The following ADGRL2 variants were observed in gnomAD, a reference collection of about 807,000 sequenced individuals.
ADGRL2 encodes calcium-independent alpha-latrotoxin receptor 2.
A neutral mutation model predicts 157.4 loss-of-function variants in ADGRL2; 44 were observed. That is an observed-to-expected ratio of 0.28 (90% CI 0.22 to 0.36). The LOEUF (loss-of-function observed/expected upper bound fraction) is 0.36, where lower values mean the gene tolerates loss of function less well. Ranked by LOEUF, ADGRL2 falls within the 10% of genes least tolerant of loss-of-function variation. The probability of loss-of-function intolerance (pLI) is 1.00; values close to 1 mark genes in which losing one functional copy is unlikely to be tolerated. For synonymous variants in ADGRL2, 585 were observed against 624.7 expected, an observed-to-expected ratio of 0.94 and a Z score of 0.95; for missense variants, 1,510 against 1,768.9, an observed-to-expected ratio of 0.85 and a Z score of 2.63.
At chr1:81,989,624 C>T (rs754271448) in intron 23 of ADGRL2, 25 of 1,596,518 alleles carry the variant, frequency 1.6e-5, no homozygotes, top group South Asian at 1.3e-4. Flanking sequence ...CATCATGTTA[C>T]AATAAATCAT....
At chr1:81,694,831 C>T (rs552775), upstream of ADGRL2, among the ~76,000 whole-genome samples, 52,708 of 151,926 alleles carry the variant, frequency 0.35, 9,322 homozygotes, top group Admixed American at 0.41. Flanking sequence ...AATAAATTAA[C>T]TTTCAAACCT....
intron 3 of ADGRL2, among the ~76,000 whole-genome samples, chr1:81,684,436 G>C (rs912940109): frequency 6.6e-6 from 1 of 152,082 alleles, no homozygotes; most frequent in African/African-American, 2.4e-5. Context: ...ATCTTCTTTT[G>C]AGAATTGTCT....
chr1:81,864,686 G>A (rs2093483728), intron 2 of ADGRL2, among the ~76,000 whole-genome samples: 1 of 152,134 alleles, frequency 6.6e-6, no homozygotes, highest in Admixed American at 6.6e-5. Flanking sequence ...ACGAAGCTGG[G>A]CATGGTGGCT....
intron 1 of ADGRL2, among the ~76,000 whole-genome samples, chr1:81,822,871 C>A (rs1224906818): frequency 6.6e-6 from 1 of 151,832 alleles, no homozygotes; most frequent in Non-Finnish European, 1.5e-5. Flanking sequence ...TAATTATGGG[C>A]CTTTCTATTT....
At chr1:81,882,118 AATG>A (rs1169861273) in intron 2 of ADGRL2, among the ~76,000 whole-genome samples, 1 of 152,236 alleles carries the variant, frequency 6.6e-6, no homozygotes, top group African/African-American at 2.4e-5. Context: ...GACATAGAGA[AATG>A]ATGATTCATA....
At chr1:81,381,025 A>C (rs1316934982) in intron 1 of ADGRL2, among the ~76,000 whole-genome samples, 1 of 151,950 alleles carries the variant, frequency 6.6e-6, no homozygotes, top group Admixed American at 6.6e-5. Context: ...TAAAATTTTA[A>C]ATTTTCTTTA....
chr1:81,356,253 C>G (rs148509570), intron 1 of ADGRL2, among the ~76,000 whole-genome samples: 1 of 152,156 alleles, frequency 6.6e-6, no homozygotes, highest in Non-Finnish European at 1.5e-5. Context: ...GATGCTGAAA[C>G]GCACATAAAA....
At chr1:81,655,512 AC>A (rs1430702883) in intron 3 of ADGRL2, among the ~76,000 whole-genome samples, 3 of 152,046 alleles carry the variant, frequency 2.0e-5, no homozygotes, top group African/African-American at 4.8e-5. Context: ...TACTTTCTAC[AC>A]GCGTCCTCAA....
intron 1 of ADGRL2, among the ~76,000 whole-genome samples, chr1:81,828,284 G>A (rs1281117633): frequency 6.6e-6 from 1 of 152,136 alleles, no homozygotes; most frequent in Non-Finnish European, 1.5e-5. Context: ...CCTAACTTCT[G>A]ATCTGACTGT....
At chr1:81,667,508 C>T (rs895736701) in intron 3 of ADGRL2, among the ~76,000 whole-genome samples, 10 of 152,098 alleles carry the variant, frequency 6.6e-5, no homozygotes, top group Non-Finnish European at 1.5e-4. Context: ...GACTAAAGAA[C>T]TTAGCTGGGA....
At chr1:81,429,783 T>G (rs1347146415) in intron 1 of ADGRL2, among the ~76,000 whole-genome samples, 1 of 152,248 alleles carries the variant, frequency 6.6e-6, no homozygotes, top group Non-Finnish European at 1.5e-5. Flanking sequence ...GCCTTCCATA[T>G]GCCAGGCAAC....
intron 1 of ADGRL2, among the ~76,000 whole-genome samples, chr1:81,810,694 T>A (rs1409798444): frequency 1.3e-5 from 2 of 151,860 alleles, no homozygotes; most frequent in African/African-American, 2.4e-5. Context: ...CATTTTTTTT[T>A]AGTTTGATGA....
intron 2 of ADGRL2, among the ~76,000 whole-genome samples, chr1:81,880,300 G>T (rs937425403): frequency 6.6e-6 from 1 of 152,088 alleles, no homozygotes; most frequent in Admixed American, 6.5e-5. Context: ...CTTTTTAAGG[G>T]TAAAATATAT....
Position 81,993,085 on chromosome 1 carries a change from ATATTTTTTTTTTTTTT to A in ADGRL2, c.*1942_*1957del, listed in dbSNP as rs1388578945. 6.9e-4 allele frequency among the ~76,000 whole-genome samples: 22 copies of A among 32,110 alleles called. No individual in the cohort carries two copies. Among genetic ancestry groups the A allele is most frequent in the Non-Finnish European group, 9.9e-4 (20 of 20,294 alleles). The allele number at this position is 32,110 out of a possible 152,430, so 21.1% of individuals were successfully genotyped here. ...TATATATATATATATATATATATAT[ATATTTTTTTTTTTTTT>A]TTTTTTTTTTTTTTTTTTGGGACAG... On this transcript the variant is annotated 3_prime_UTR_variant, in exon 24 of 24. Coordinates refer to ENST00000686636, the MANE Select transcript of ADGRL2 (RefSeq NM_001366006.2).
intron 2 of ADGRL2, among the ~76,000 whole-genome samples, chr1:81,546,997 C>G (rs1223872410): frequency 6.6e-6 from 1 of 152,192 alleles, no homozygotes; most frequent in Non-Finnish European, 1.5e-5. Flanking sequence ...ATAGCCATCT[C>G]CCCTTGTTGA....
At chr1:81,411,357 A>G (rs1203902714) in intron 1 of ADGRL2, among the ~76,000 whole-genome samples, 2 of 152,226 alleles carry the variant, frequency 1.3e-5, no homozygotes, top group African/African-American at 4.8e-5. Flanking sequence ...TTATTGGATG[A>G]TGAAACAAAC....
intron 1 of ADGRL2, among the ~76,000 whole-genome samples, chr1:81,705,492 C>T (rs1022978777): frequency 1.3e-5 from 2 of 151,994 alleles, no homozygotes; most frequent in Non-Finnish European, 2.9e-5. Flanking sequence ...AGGTGATCTG[C>T]CCATCTCTGC....
At chr1:81,955,476 T>C (rs1204779202) in intron 10 of ADGRL2, among the ~76,000 whole-genome samples, 2 of 152,140 alleles carry the variant, frequency 1.3e-5, no homozygotes, top group Non-Finnish European at 2.9e-5. Context: ...AAGACATCAG[T>C]ATTTTTGGTT....
rs184020071 is a variant in ADGRL2 at position 81,946,805 on chromosome 1, C to T, written c.1210+3036C>T. The stretch of plus-strand genomic sequence containing the variant: ...AACAGGGGCAAGTTGAATAGGTGCT[C>T]GTTTTTGCTTTACCAAGCTACAGAA... On this transcript the variant is annotated intron_variant, in intron 6 of 23. Coordinates refer to ENST00000686636, the MANE Select transcript of ADGRL2 (RefSeq NM_001366006.2). Among the ~76,000 whole-genome samples, 117 of 152,214 alleles carry T rather than the reference C, an allele frequency of 7.7e-4. 2 individuals carry two copies. The highest frequency in any genetic ancestry group is 7.5e-3 in the Admixed American group (114 of 15,274).
Sources: allele counts gnomAD v4.1 joint callset (sites outside exome capture counted in the v4.1 genomes callset), GRCh38; gene constraint gnomAD v4.1.1; transcripts MANE v1.5; gene names NCBI Gene and HGNC (gene_info 2026-07-23, HGNC 2026-07-21).